Variants in DNAH5 observed in about 807,000 individuals in gnomAD.
The protein encoded by DNAH5 is dynein axonemal heavy chain 5.
Under a neutral mutation model 518.2 loss-of-function variants are expected in DNAH5, and 372 were observed. That is an observed-to-expected ratio of 0.72 (90% confidence interval 0.66 to 0.78). DNAH5 has a LOEUF of 0.78. DNAH5 is among the 30% of genes least tolerant of loss of function. The pLI is 0.00. For missense variants in DNAH5, 5,523 were observed against 5,687.0 expected (o/e 0.97, Z 0.93); for synonymous variants, 2,039 against 2,025.9 (o/e 1.01, Z -0.17).
chr5:13,928,241 A>G, intron 2 of DNAH5, 63 bp from the exon 3 acceptor site: 2 of 1,262,598 alleles, frequency 1.6e-6, no homozygotes, highest in African/African-American at 1.5e-5. Context: ...CAATTAAATC[A>G]GCATTAATAA....
intron 1 of DNAH5, among the ~76,000 whole-genome samples, chr5:14,005,031 A>G (rs1408232566): frequency 2.0e-5 from 3 of 152,074 alleles, no homozygotes; most frequent in Non-Finnish European, 4.4e-5. Context: ...AACTCAGCAC[A>G]CGAGCCTCTT....
At chr5:13,848,726 T>C (rs1311706236) in intron 31 of DNAH5, among the ~76,000 whole-genome samples, 1 of 152,158 alleles carries the variant, frequency 6.6e-6, no homozygotes, top group African/African-American at 2.4e-5. Flanking sequence ...CAGTTCACAA[T>C]AGGGCTTGCA....
chr5:13,718,606 G>A (rs1283490295), intron 72 of DNAH5, among the ~76,000 whole-genome samples: 1 of 151,854 alleles, frequency 6.6e-6, no homozygotes, highest in Admixed American at 6.6e-5. Context: ...TGACAAAATT[G>A]TTCATTTTTG....
intron 24 of DNAH5, among the ~76,000 whole-genome samples, chr5:13,869,507 G>A (rs1315383551): frequency 1.3e-5 from 2 of 151,964 alleles, no homozygotes; most frequent in Non-Finnish European, 2.9e-5. Flanking sequence ...ATCACAAGTG[G>A]CAAATAAGAT....
intron 53 of DNAH5, among the ~76,000 whole-genome samples, 157 bp downstream of exon 53, chr5:13,780,672 T>C (rs558905981): frequency 3.9e-5 from 6 of 152,316 alleles, no homozygotes; most frequent in Admixed American, 1.3e-4. Context: ...TTATGATCTA[T>C]GACAAAGGTT....
intron 69 of DNAH5, among the ~76,000 whole-genome samples, chr5:13,728,342 T>C (rs1746035181): frequency 6.6e-6 from 1 of 152,212 alleles, no homozygotes; most frequent in Non-Finnish European, 1.5e-5. Flanking sequence ...TATCATCTTA[T>C]GTTATCTGGT....
chr5:13,792,298 T>G, intron 49 of DNAH5, 81 bp from the exon 50 acceptor site: 1 of 1,211,570 alleles, frequency 8.3e-7, no homozygotes, highest in South Asian at 1.3e-5. Context: ...AGCATAGGGT[T>G]TGCAAAAATG....
At position 13,892,026 on chromosome 5, in the gene DNAH5, A is replaced by G. The variant is rs183415090; in HGVS notation, c.2432-905T>C. 3.7e-4 allele frequency among the ~76,000 whole-genome samples: 56 copies of G among 152,358 alleles called. 2 individuals are homozygous for G. The highest frequency in any genetic ancestry group is 3.3e-3 in the South Asian group (16 of 4,824). ...TTGAATACAGGAAAGTCAACGTTAC[A>G]TACCAACGCTGTATCGGAGATGTAA... On this transcript the variant is annotated intron_variant, in intron 16 of 78. Transcript: ENST00000265104.
Position 13,859,455 on chromosome 5 carries a change from G to C in DNAH5, c.4947C>G (p.Pro1649=). 6.2e-7 allele frequency: 1 copy of C among 1,613,934 alleles called. No homozygotes were observed. The highest frequency in any genetic ancestry group is 1.1e-5 in the South Asian group (1 of 91,068). Residue 1649 remains proline (P), a synonymous_variant, in exon 30 of 79, where the codon CCC becomes CCG. Transcript: ENST00000265104. ...FVGGDIAKQL[P]KEAKRFSNID... ...ATCATAAAGAAGATTACAAAACCTT[G>C]GGCAGCTGCTTGGCAATGTCTCCTC... is the stretch of plus-strand genomic sequence containing the variant.
intron 35 of DNAH5, among the ~76,000 whole-genome samples, chr5:13,831,072 C>T (rs1377158456): frequency 6.6e-6 from 1 of 152,060 alleles, no homozygotes; most frequent in Non-Finnish European, 1.5e-5. Context: ...AGAGAATCTC[C>T]AGGTATAAAA....
upstream of DNAH5, among the ~76,000 whole-genome samples, chr5:13,948,979 G>C (rs1387554217): frequency 2.6e-5 from 4 of 152,188 alleles, no homozygotes; most frequent in Non-Finnish European, 5.9e-5. Context: ...GAGAAATCCT[G>C]GTTGAGGAAG....
At chr5:13,900,830 C>T (rs561003183) in intron 14 of DNAH5, 2 of 301,620 alleles carry the variant, frequency 6.6e-6, no homozygotes, top group Non-Finnish European at 1.2e-5. Context: ...TCCTGACAGC[C>T]TACAAAGAAA....
chr5:13,861,610 T>A (rs1768424307), intron 29 of DNAH5, among the ~76,000 whole-genome samples: 1 of 152,084 alleles, frequency 6.6e-6, no homozygotes, highest in South Asian at 2.1e-4. Context: ...ACTGTGTGGT[T>A]TGTATGTCCA....
chr5:13,949,490 T>C (rs1363526813), upstream of DNAH5, among the ~76,000 whole-genome samples: 1 of 152,212 alleles, frequency 6.6e-6, no homozygotes, highest in Non-Finnish European at 1.5e-5. Context: ...TTTTTATGGA[T>C]TGAAATTATA....
At chr5:13,872,766 G>A (rs756352972) in intron 22 of DNAH5, among the ~76,000 whole-genome samples, 1 of 152,116 alleles carries the variant, frequency 6.6e-6, no homozygotes, top group Non-Finnish European at 1.5e-5. Flanking sequence ...AAAGCAGCAA[G>A]TCACAGAGGA....
chr5:13,718,513 C>T (rs1744606673), intron 72 of DNAH5, among the ~76,000 whole-genome samples: 2 of 152,214 alleles, frequency 1.3e-5, no homozygotes. Flanking sequence ...TAATGAAAGG[C>T]AGGCAGGCAT....
At position 13,891,063 on chromosome 5, in the gene DNAH5, G is replaced by A. The variant is rs200980858; in HGVS notation, c.2490C>T (p.Ala830=). 4 of 1,614,078 alleles carry A rather than the reference G, an allele frequency of 2.5e-6. No homozygotes were observed. Among genetic ancestry groups the A allele is most frequent in the Non-Finnish European group, 3.4e-6 (4 of 1,179,976 alleles). ...GCGTGCTGCTCATTTCTTCTAGAAT[G>A]GCATCAATGCGGAACTCAATCAAAT... ...VNDLIEFRID[A]ILEEMSSTPL... Residue 830 remains alanine (A), a synonymous_variant, in exon 17 of 79, where the codon GCC becomes GCT. Coordinates refer to ENST00000265104, the MANE Select transcript of DNAH5 (RefSeq NM_001369.3).
In DNAH5 at chr5:13,700,704, A is replaced by AAT; in HGVS notation, c.13657_13658dup (p.Glu4554LeufsTer11). ...CAAAGAGCACTTTTGGCTTTGATTC[A>AAT]ATGAGTTTCATGTTCCTCTTGTCCC... On this transcript the variant is annotated frameshift_variant, in exon 78 of 79. Transcript: ENST00000265104. LOFTEE classifies it high-confidence loss of function. 6.2e-7 allele frequency: 1 copy of AAT among 1,614,166 alleles called. No homozygotes were observed. Among genetic ancestry groups the AAT allele is most frequent in the Non-Finnish European group, 8.5e-7 (1 of 1,180,018 alleles).
chr5:13,949,528 T>A (rs1049975185), upstream of DNAH5, among the ~76,000 whole-genome samples: 1 of 152,126 alleles, frequency 6.6e-6, no homozygotes, highest in Non-Finnish European at 1.5e-5. Context: ...GATGCACAAG[T>A]TTCCTGGGAG....
Sources: allele counts gnomAD v4.1 joint callset (sites outside exome capture counted in the v4.1 genomes callset), GRCh38; gene constraint gnomAD v4.1.1; transcripts MANE v1.5; gene names NCBI Gene and HGNC (gene_info 2026-07-23, HGNC 2026-07-21).